The following NOL4L variants were observed in gnomAD, a reference collection of about 807,000 sequenced individuals.
NOL4L encodes nucleolar protein 4-like.
Under a neutral mutation model 64.5 loss-of-function variants are expected in NOL4L, and 7 were observed. That is an observed-to-expected ratio of 0.11 (90% confidence interval 0.06 to 0.20). The LOEUF is 0.20. Ranked by LOEUF, NOL4L falls within the 10% of genes least tolerant of loss-of-function variation. NOL4L has a pLI of 1.00. For missense variants in NOL4L, 680 were observed against 967.1 expected (o/e 0.70, Z 3.94); for synonymous variants, 413 against 401.0 (o/e 1.03, Z -0.36).
chr20:32,522,492 T>A (rs2017980962), intron 2 of NOL4L, among the ~76,000 whole-genome samples: 2 of 152,148 alleles, frequency 1.3e-5, no homozygotes. Context: ...GAGAGCTTCA[T>A]CCCTAGCCCA....
chr20:32,548,282 C>T (rs1381981497), intron 1 of NOL4L, among the ~76,000 whole-genome samples: 1 of 152,208 alleles, frequency 6.6e-6, no homozygotes, highest in East Asian at 1.9e-4. Flanking sequence ...ACAACAGATG[C>T]TCATTCAAGA....
intron 4 of NOL4L, among the ~76,000 whole-genome samples, chr20:32,486,121 G>T (rs2016077294): frequency 6.6e-6 from 1 of 152,210 alleles, no homozygotes; most frequent in Non-Finnish European, 1.5e-5. Flanking sequence ...CTGCAAATGA[G>T]GTGAGTTTTC....
chr20:32,504,733 A>G (rs1240673188), intron 4 of NOL4L, among the ~76,000 whole-genome samples: 2 of 151,714 alleles, frequency 1.3e-5, no homozygotes, highest in Admixed American at 6.6e-5. Flanking sequence ...GCCTCTGAGT[A>G]GCTGGGACTA....
chr20:32,536,511 G>C, intron 1 of NOL4L: 1 of 139,618 alleles, frequency 7.2e-6, no homozygotes, highest in South Asian at 2.3e-4. Flanking sequence ...AGGCGGCCGC[G>C]CTCTCTTCAC....
At chr20:32,483,443 AGCTGCT>A (rs911879376) in intron 4 of NOL4L, 9 of 990,594 alleles carry the variant, frequency 9.1e-6, no homozygotes, top group Non-Finnish European at 1.1e-5. Flanking sequence ...CCACAGCTCC[AGCTGCT>A]GCTGCTGCTG....
chr20:32,509,358 A>G (rs2145552341), intron 4 of NOL4L, among the ~76,000 whole-genome samples: 1 of 151,978 alleles, frequency 6.6e-6, no homozygotes, highest in South Asian at 2.1e-4. Flanking sequence ...TCTCTACAAA[A>G]AATACAAAAA....
intron 5 of NOL4L, among the ~76,000 whole-genome samples, chr20:32,465,437 T>A (rs116833618): frequency 0.011 from 1,729 of 152,242 alleles, 39 homozygotes; most frequent in African/African-American, 0.04. Context: ...ACTGCTCCAC[T>A]TCCTAGAGCC....
intron 1 of NOL4L, among the ~76,000 whole-genome samples, chr20:32,550,484 G>A (rs1054639062): frequency 2.6e-5 from 4 of 152,226 alleles, no homozygotes; most frequent in Non-Finnish European, 4.4e-5. Flanking sequence ...GGTGGCTCAC[G>A]CCTATAATCT....
intron 6 of NOL4L, among the ~76,000 whole-genome samples, chr20:32,455,302 C>G (rs2013380997): frequency 6.6e-6 from 1 of 152,250 alleles, no homozygotes; most frequent in Admixed American, 6.5e-5. Context: ...CCTGCTCTGG[C>G]CAGAACCTGC....
chr20:32,483,559 A>AGCG, intron 4 of NOL4L: 1 of 959,176 alleles, frequency 1.0e-6, no homozygotes, highest in Non-Finnish European at 1.2e-6. Flanking sequence ...CCAGGCGAGC[A>AGCG]GCGGCGGCAG....
intron 1 of NOL4L, among the ~76,000 whole-genome samples, chr20:32,581,792 C>T (rs953319298): frequency 9.2e-5 from 14 of 152,172 alleles, no homozygotes; most frequent in African/African-American, 3.4e-4. Context: ...TAAACAAATG[C>T]TTTTGACAAA....
chr20:32,579,303 C>A (rs1212972533), intron 1 of NOL4L, among the ~76,000 whole-genome samples: 3 of 152,248 alleles, frequency 2.0e-5, no homozygotes, highest in Non-Finnish European at 4.4e-5. Context: ...AGGAACAGCA[C>A]ACTCACACCC....
intron 1 of NOL4L, among the ~76,000 whole-genome samples, chr20:32,559,299 CTA>C (rs1305468344): frequency 1.3e-5 from 2 of 152,212 alleles, no homozygotes; most frequent in Non-Finnish European, 2.9e-5. Flanking sequence ...CCTTTTCCTT[CTA>C]TCCCCACACC....
intron 1 of NOL4L, among the ~76,000 whole-genome samples, chr20:32,559,876 G>A (rs1978894537): frequency 6.6e-6 from 1 of 152,226 alleles, no homozygotes; most frequent in Non-Finnish European, 1.5e-5. Flanking sequence ...GGCCTGCCCA[G>A]GCCCTGCCGC....
At chr20:32,558,839 G>A (rs1424731521) in intron 1 of NOL4L, among the ~76,000 whole-genome samples, 1 of 152,172 alleles carries the variant, frequency 6.6e-6, no homozygotes, top group Non-Finnish European at 1.5e-5. Context: ...TCGGAAGATC[G>A]CTCTGGCTGC....
chr20:32,458,544 CG>C (rs1175259541), intron 5 of NOL4L, among the ~76,000 whole-genome samples: 1 of 152,210 alleles, frequency 6.6e-6, no homozygotes, highest in Non-Finnish European at 1.5e-5. Flanking sequence ...GGAGCCTCCA[CG>C]GGGGACAGGG....
chr20:32,536,161 T>C (rs2018514749), intron 1 of NOL4L: 1 of 985,498 alleles, frequency 1.0e-6, no homozygotes, highest in African/African-American at 1.7e-5. Context: ...AAGACACCCA[T>C]TAAAGAGCTC....
rs138728422 is a variant in NOL4L, at chr20:32,482,506, C to T, written c.700-7764G>A. The stretch of plus-strand genomic sequence containing the variant: ...ATTGCACTCCCCCCTCCTCCCTATC[C>T]AAAGTGTCCAGCCTTGAAGACAAGG... On this transcript the variant is annotated intron_variant, in intron 4 of 10. Coordinates refer to ENST00000621426, the MANE Select transcript of NOL4L (RefSeq NM_001256798.2). Among the ~76,000 whole-genome samples the T allele has an allele frequency of 7.2e-3, 1,093 of 152,218 alleles. 6 individuals are homozygous for T. The highest frequency in any genetic ancestry group is 0.011 in the Admixed American group (165 of 15,296).
chr20:32,536,633 T>C (rs2018536603), intron 1 of NOL4L, among the ~76,000 whole-genome samples: 1 of 148,038 alleles, frequency 6.8e-6, no homozygotes, highest in South Asian at 2.1e-4. Context: ...GGCAGGCAGG[T>C]AATGAGAGTA....
Sources: gnomAD v4.1 joint callset for allele counts (sites outside exome capture counted in the v4.1 genomes callset) on GRCh38, gnomAD v4.1.1 for gene constraint, MANE v1.5 for transcripts, NCBI Gene and HGNC (gene_info 2026-07-23, HGNC 2026-07-21) for gene names.